Variants in ZFAT observed in about 807,000 individuals in gnomAD.
The protein encoded by ZFAT is zinc finger and AT-hook domain containing.
ZFAT carries 64 observed loss-of-function variants against 117.7 expected under a neutral mutation model. The observed-to-expected ratio is 0.54, with a 90% confidence interval of 0.44 to 0.67. The LOEUF (loss-of-function observed/expected upper bound fraction) is 0.67, where lower values mean the gene tolerates loss of function less well. Ranked by LOEUF, ZFAT falls within the 30% of genes least tolerant of loss-of-function variation. ZFAT has a pLI of 0.00. For synonymous variants in ZFAT, 679 were observed against 615.0 expected, an observed-to-expected ratio of 1.10 and a Z score of -1.54; for missense variants, 1,433 against 1,584.5, an observed-to-expected ratio of 0.90 and a Z score of 1.62.
chr8:134,718,043 G>A (rs959070859), upstream of ZFAT, among the ~76,000 whole-genome samples: 1 of 152,134 alleles, frequency 6.6e-6, no homozygotes, highest in African/African-American at 2.4e-5. Flanking sequence ...AGTAGGTTTA[G>A]GTATGGTGCA....
intron 13 of ZFAT, among the ~76,000 whole-genome samples, chr8:134,519,294 G>A (rs577772101): frequency 6.6e-6 from 1 of 152,074 alleles, no homozygotes; most frequent in Non-Finnish European, 1.5e-5. Context: ...CTAGGTTTAT[G>A]TCTCTTTCAG....
chr8:134,818,901 A>C, the ZFAT span, among the ~76,000 whole-genome samples: 1 of 152,218 alleles, frequency 6.6e-6, no homozygotes, highest in Non-Finnish European at 1.5e-5. Flanking sequence ...GAAAACAGAT[A>C]ATGGTTGCCT....
At chr8:134,578,141 A>G (rs1825447383) in intron 10 of ZFAT, among the ~76,000 whole-genome samples, 2 of 152,294 alleles carry the variant, frequency 1.3e-5, no homozygotes, top group Middle Eastern at 6.8e-3. Context: ...TAGGCTGGGC[A>G]TGGCGGCTCA....
chr8:134,675,501 A>T (rs1832753501), intron 1 of ZFAT, among the ~76,000 whole-genome samples: 1 of 152,224 alleles, frequency 6.6e-6, no homozygotes, highest in African/African-American at 2.4e-5. Context: ...AAAGTGATAG[A>T]GAGAATGGAA....
the ZFAT span, among the ~76,000 whole-genome samples, chr8:134,751,487 T>C: frequency 6.6e-6 from 1 of 152,206 alleles, no homozygotes; most frequent in East Asian, 1.9e-4. Context: ...CAGCATGAAC[T>C]TGTGACCAAC....
intron 11 of ZFAT, among the ~76,000 whole-genome samples, chr8:134,545,568 A>T (rs1234088634): frequency 6.6e-6 from 1 of 152,232 alleles, no homozygotes; most frequent in Non-Finnish European, 1.5e-5. Flanking sequence ...TGAAATAAAA[A>T]AGTATTAGGC....
intron 11 of ZFAT, among the ~76,000 whole-genome samples, chr8:134,533,562 G>A (rs1216557803): frequency 2.0e-5 from 3 of 152,230 alleles, no homozygotes; most frequent in African/African-American, 7.2e-5. Flanking sequence ...ATTCAGTGAT[G>A]CGTCACTGTA....
At chr8:134,790,754 A>G in the ZFAT span, among the ~76,000 whole-genome samples, 12 of 152,064 alleles carry the variant, frequency 7.9e-5, no homozygotes, top group Admixed American at 7.9e-4. Context: ...GTGGCTCATG[A>G]CTGTAATCGT....
At chr8:134,644,630 G>A (rs191386407) in intron 2 of ZFAT, among the ~76,000 whole-genome samples, 16 of 150,320 alleles carry the variant, frequency 1.1e-4, no homozygotes, top group African/African-American at 3.7e-4. Flanking sequence ...CAAATGTACC[G>A]TATACACAAT....
rs761386169 is a variant in ZFAT at position 134,520,962 on chromosome 8, G to A, written c.3155C>T (p.Thr1052Ile). ...CAAGTGCCTATTGAACTCCCATTTG[G>A]TGCCATATACAAAGCTGCAAACAGG... ...KCPVCSFVYGTKWEFNRHLKN... is the reference protein window; with the variant it reads ...KCPVCSFVYGIKWEFNRHLKN... Residue 1052 changes from threonine (T) to isoleucine (I), a missense_variant, in exon 13 of 16, where the codon ACC becomes ATC. Transcript: ENST00000377838. 1 of 1,613,508 alleles carries A rather than the reference G, an allele frequency of 6.2e-7. No individual in the cohort carries two copies. The highest frequency in any genetic ancestry group is 8.5e-7 in the Non-Finnish European group (1 of 1,179,772).
At chr8:134,673,482 T>C (rs1832653388) in intron 1 of ZFAT, 1 of 216,290 alleles carries the variant, frequency 4.6e-6, no homozygotes, top group Non-Finnish European at 1.0e-5. Context: ...AATGCTAGAA[T>C]TGGGGATTAT....
chr8:134,579,641 C>A (rs207469913), intron 10 of ZFAT, among the ~76,000 whole-genome samples: 1 of 152,090 alleles, frequency 6.6e-6, no homozygotes, highest in Non-Finnish European at 1.5e-5. Flanking sequence ...CATAAGACTG[C>A]GGGGATCACC....
At chr8:134,668,677 A>T (rs1012566591) in intron 1 of ZFAT, among the ~76,000 whole-genome samples, 1 of 152,252 alleles carries the variant, frequency 6.6e-6, no homozygotes, top group Non-Finnish European at 1.5e-5. Flanking sequence ...AAAGCTGAAA[A>T]TTCTAAAAAT....
intron 15 of ZFAT, among the ~76,000 whole-genome samples, chr8:134,501,339 A>G (rs1818959898): frequency 6.6e-6 from 1 of 152,140 alleles, no homozygotes; most frequent in Non-Finnish European, 1.5e-5. Context: ...ATCCATCGTG[A>G]CTCATTACAC....
the ZFAT span, among the ~76,000 whole-genome samples, chr8:134,779,073 T>C: frequency 6.6e-6 from 1 of 152,124 alleles, no homozygotes; most frequent in South Asian, 2.1e-4. Context: ...ATAAGAAATA[T>C]TTGAAAACTC....
intron 2 of ZFAT, among the ~76,000 whole-genome samples, chr8:134,653,287 A>C (rs558592076): frequency 1.0e-4 from 12 of 116,216 alleles, no homozygotes; most frequent in East Asian, 5.9e-4. Context: ...AAAAAAAAAA[A>C]AAAACAAAAA....
the ZFAT span, among the ~76,000 whole-genome samples, chr8:134,778,859 T>C: frequency 6.6e-6 from 1 of 152,174 alleles, no homozygotes; most frequent in Admixed American, 6.5e-5. Context: ...TGGTTTACAA[T>C]GGCTATATTG....
chr8:134,623,993 C>G (rs1240769127), intron 3 of ZFAT, among the ~76,000 whole-genome samples: 1 of 152,122 alleles, frequency 6.6e-6, no homozygotes, highest in Non-Finnish European at 1.5e-5. Context: ...CTGCCCAGCC[C>G]ACTACACTCT....
At chr8:134,623,483 C>A (rs576967636) in intron 3 of ZFAT, among the ~76,000 whole-genome samples, 40 of 152,300 alleles carry the variant, frequency 2.6e-4, no homozygotes, top group African/African-American at 9.6e-4. Context: ...AACTAACTCA[C>A]CCTTTTTCCT....
Sources: allele counts gnomAD v4.1 joint callset (sites outside exome capture counted in the v4.1 genomes callset), GRCh38; gene constraint gnomAD v4.1.1; transcripts MANE v1.5; gene names NCBI Gene and HGNC (gene_info 2026-07-23, HGNC 2026-07-21).